RERE: variants seen among roughly 807,000 people sequenced by gnomAD.
The protein encoded by RERE is arginine-glutamic acid dipeptide repeats protein.
A neutral mutation model predicts 146.1 loss-of-function variants in RERE; 40 were observed. The observed-to-expected ratio is 0.27, with a 90% CI of 0.21 to 0.36. The LOEUF (loss-of-function observed/expected upper bound fraction) is 0.36. Ranked by LOEUF, RERE falls within the 10% of genes least tolerant of loss-of-function variation. The pLI is 1.00. For synonymous variants in RERE, 1,003 were observed against 866.0 expected, an observed-to-expected ratio of 1.16 and a Z score of -2.78; for missense variants, 1,933 against 2,138.7, an observed-to-expected ratio of 0.90 and a Z score of 1.90.
intron 3 of RERE, among the ~76,000 whole-genome samples, chr1:8,616,792 G>A (rs911795319): frequency 2.6e-5 from 4 of 152,178 alleles, no homozygotes; most frequent in African/African-American, 9.7e-5. Context: ...AACCCTGACT[G>A]GCAGCCACGA....
chr1:8,611,407 G>A (rs930532968), intron 4 of RERE, among the ~76,000 whole-genome samples: 1 of 151,568 alleles, frequency 6.6e-6, no homozygotes, highest in African/African-American at 2.4e-5. Flanking sequence ...AGGAGGCTGA[G>A]GCAGGAGAAT....
chr1:8,447,893 G>T (rs761803391), intron 11 of RERE, among the ~76,000 whole-genome samples: 1 of 152,368 alleles, frequency 6.6e-6, no homozygotes, highest in Middle Eastern at 3.4e-3. Flanking sequence ...TAGTTCTGCT[G>T]TCTGGGGAGC....
chr1:8,561,213 C>G (rs1216731206), intron 4 of RERE, among the ~76,000 whole-genome samples: 1 of 152,136 alleles, frequency 6.6e-6, no homozygotes, highest in Non-Finnish European at 1.5e-5. Flanking sequence ...ATTGGATTCC[C>G]CAATGCAGTA....
At chr1:8,608,824 G>A (rs1211748738) in intron 4 of RERE, among the ~76,000 whole-genome samples, 6 of 152,190 alleles carry the variant, frequency 3.9e-5, no homozygotes, top group African/African-American at 7.2e-5. Flanking sequence ...AGTGGCTCAC[G>A]CCTGTAATCC....
At chr1:8,757,190 CAAAG>C (rs2124524630) in intron 1 of RERE, among the ~76,000 whole-genome samples, 1 of 151,290 alleles carries the variant, frequency 6.6e-6, no homozygotes, top group Admixed American at 6.6e-5. Context: ...ACAAAACACA[CAAAG>C]AAAGTGTTAA....
At chr1:8,554,762 C>T (rs1390934245) in intron 6 of RERE, among the ~76,000 whole-genome samples, 2 of 150,956 alleles carry the variant, frequency 1.3e-5, no homozygotes, top group African/African-American at 2.4e-5. Context: ...ATTAAGTCAC[C>T]GGTCCCAGGT....
Position 8,799,398 on chromosome 1 carries a change from T to G in RERE, c.-145+17762A>C, listed in dbSNP as rs1641543315. ...AAAACTCTCATCAACAAGGATGTCT[T>G]CAGAGAGGCTGCTCTTAAATGCAAG... On this transcript the variant is annotated intron_variant, in intron 1 of 22. Transcript: ENST00000400908. 3 of 163,846 alleles carry G rather than the reference T, an allele frequency of 1.8e-5. No individual in the cohort carries two copies. In the South Asian group the frequency reaches 4.8e-4, roughly 26 times the overall value. 10.1% of individuals were successfully genotyped at this position (163,846 alleles called of 1,614,324 possible).
chr1:8,780,158 C>G (rs963765725), intron 1 of RERE, among the ~76,000 whole-genome samples: 1 of 152,144 alleles, frequency 6.6e-6, no homozygotes, highest in African/African-American at 2.4e-5. Context: ...GGTTCTAATG[C>G]CAACTCTGTC....
intron 1 of RERE, among the ~76,000 whole-genome samples, chr1:8,676,519 C>T (rs1032742450): frequency 2.4e-4 from 37 of 151,976 alleles, no homozygotes; most frequent in African/African-American, 8.7e-4. Flanking sequence ...TGTCACCTCC[C>T]AAGTGTGACA....
At chr1:8,775,290 G>T (rs989875203) in intron 1 of RERE, among the ~76,000 whole-genome samples, 25 of 152,038 alleles carry the variant, frequency 1.6e-4, no homozygotes, top group African/African-American at 6.0e-4. Flanking sequence ...ATTTTTTCTG[G>T]GCCGGGAACA....
At chr1:8,796,974 G>C (rs1282455271) in intron 1 of RERE, among the ~76,000 whole-genome samples, 1 of 152,154 alleles carries the variant, frequency 6.6e-6, no homozygotes, top group Admixed American at 6.6e-5. Flanking sequence ...GCCAGTGATA[G>C]GACCTACTAC....
chr1:8,429,366 G>T (rs751999660), intron 11 of RERE, among the ~76,000 whole-genome samples: 1 of 152,194 alleles, frequency 6.6e-6, no homozygotes, highest in Non-Finnish European at 1.5e-5. Flanking sequence ...GCCTGTGTTT[G>T]CATCCCAAGA....
At chr1:8,559,248 C>A (rs1289132574) in intron 4 of RERE, among the ~76,000 whole-genome samples, 2 of 78,384 alleles carry the variant, frequency 2.6e-5, no homozygotes, top group Admixed American at 1.9e-4. Flanking sequence ...CCATTGCACT[C>A]CAGCCTGGGC....
chr1:8,612,244 A>AT (rs1161598607), intron 4 of RERE, among the ~76,000 whole-genome samples: 2 of 152,058 alleles, frequency 1.3e-5, no homozygotes, highest in East Asian at 1.9e-4. Context: ...CCTGTAATCA[A>AT]TTTTTTCTCC....
At chr1:8,567,882 A>G (rs542017878) in intron 4 of RERE, among the ~76,000 whole-genome samples, 50 of 152,350 alleles carry the variant, frequency 3.3e-4, no homozygotes, top group South Asian at 1.0e-3. Flanking sequence ...AGGGACAGAC[A>G]TAGCAAACTA....
chr1:8,717,478 G>A (rs1445600033), intron 1 of RERE, among the ~76,000 whole-genome samples: 1 of 152,162 alleles, frequency 6.6e-6, no homozygotes, highest in Non-Finnish European at 1.5e-5. Context: ...AGTTTCTCAT[G>A]AAACAAAATT....
intron 4 of RERE, among the ~76,000 whole-genome samples, chr1:8,608,849 C>T (rs1646755088): frequency 6.6e-6 from 1 of 152,106 alleles, no homozygotes; most frequent in Non-Finnish European, 1.5e-5. Flanking sequence ...ACTTTGGGAA[C>T]CCAAGGCGGG....
intron 1 of RERE, among the ~76,000 whole-genome samples, chr1:8,762,955 A>C (rs1442965611): frequency 6.6e-6 from 1 of 152,190 alleles, no homozygotes; most frequent in Non-Finnish European, 1.5e-5. Context: ...GAGGAAAAAA[A>C]AATTATCACA....
chr1:8,413,246 T>C (rs1371802312), intron 12 of RERE, among the ~76,000 whole-genome samples: 1 of 152,188 alleles, frequency 6.6e-6, no homozygotes, highest in African/African-American at 2.4e-5. Context: ...TATAAATACA[T>C]ATATGCATTC....
Sources: allele counts gnomAD v4.1 joint callset (sites outside exome capture counted in the v4.1 genomes callset), GRCh38; gene constraint gnomAD v4.1.1; transcripts MANE v1.5; gene names NCBI Gene and HGNC (gene_info 2026-07-23, HGNC 2026-07-21).